Variants in SLCO2B1 observed in about 807,000 individuals in gnomAD.
SLCO2B1 encodes the protein OATP-RP2.
Under a neutral mutation model 67.3 loss-of-function variants are expected in SLCO2B1, and 41 were observed. The ratio of observed to expected loss-of-function variants is 0.61; its 90% confidence interval spans 0.47 to 0.79. The LOEUF is 0.79. Ranked by LOEUF, SLCO2B1 falls within the 30% of genes least tolerant of loss-of-function variation. The pLI is 0.00. For synonymous variants in SLCO2B1, 379 were observed against 381.4 expected, an observed-to-expected ratio of 0.99 and a Z score of 0.07; for missense variants, 837 against 920.1, an observed-to-expected ratio of 0.91 and a Z score of 1.17.
intron 11 of SLCO2B1, chr11:75,202,119 T>A (rs566312858): frequency 6.6e-6 from 1 of 152,344 alleles, no homozygotes; most frequent in Non-Finnish European, 1.5e-5. Context: ...CAGAGCAAGA[T>A]AATTTCCATT....
At chr11:75,178,681 G>T (rs777287004) in intron 7 of SLCO2B1, among the ~76,000 whole-genome samples, 1 of 152,150 alleles carries the variant, frequency 6.6e-6, no homozygotes, top group East Asian at 1.9e-4. Context: ...CAATTTGCAA[G>T]TGTGCAATAT....
chr11:75,169,263 A>T lies in SLCO2B1; in HGVS notation c.539A>T (p.Tyr180Phe). ...SAPSNGNCSS[Y>F]TETQHLSVVG... ...CCCTCCAATGGCAACTGCTCAAGCT[A>T]CACAGAAACCCAGCATCTGAGTGTG... The change falls in exon 5 of 14, where the codon TAC (tyrosine) becomes TTC (phenylalanine). Residue 180 changes from tyrosine to phenylalanine, a missense_variant. Transcript: ENST00000289575. The T allele has an allele frequency of 6.2e-7, 1 of 1,614,174 alleles. No individual in the cohort carries two copies. Among genetic ancestry groups the T allele is most frequent in the Non-Finnish European group, 8.5e-7 (1 of 1,180,022 alleles).
intron 10 of SLCO2B1, chr11:75,200,003 A>C: frequency 3.9e-6 from 2 of 513,104 alleles, no homozygotes; most frequent in Non-Finnish European, 6.9e-6. Flanking sequence ...CCTGCCCACC[A>C]CCTCAGCCCA....
At chr11:75,175,415 G>T (rs1230273360) in intron 7 of SLCO2B1, among the ~76,000 whole-genome samples, 5 of 152,176 alleles carry the variant, frequency 3.3e-5, no homozygotes, top group African/African-American at 1.2e-4. Flanking sequence ...ATCTTCTGCA[G>T]GGCGAGAGAA....
Position 75,172,574 on chromosome 11 carries a change from G to A in SLCO2B1, c.972+5G>A. The A allele has an allele frequency of 6.2e-7, 1 of 1,612,480 alleles. No homozygotes were observed. The highest frequency in any genetic ancestry group is 2.2e-5 in the East Asian group (1 of 44,874). On this transcript the variant is annotated splice_donor_5th_base_variant and intron_variant, in intron 7 of 13. Coordinates refer to ENST00000289575, the MANE Select transcript of SLCO2B1 (RefSeq NM_007256.5). ...ACAGACTCACCTGCCAGGAAGGTAA[G>A]CTCCCTCCATGTCACCTGACTGGGT...
intron 7 of SLCO2B1, among the ~76,000 whole-genome samples, chr11:75,178,093 CA>C (rs71804511): frequency 1.4e-3 from 115 of 84,362 alleles, no homozygotes; most frequent in East Asian, 1.8e-3. Flanking sequence ...GATTCCATCT[CA>C]AAAAAAAAAA....
chr11:75,180,248 C>A (rs1950078074), intron 7 of SLCO2B1, among the ~76,000 whole-genome samples: 1 of 152,178 alleles, frequency 6.6e-6, no homozygotes, highest in East Asian at 1.9e-4. Flanking sequence ...AACTCCTGAC[C>A]TTAGATGATC....
chr11:75,199,080 T>C (rs1205490063), intron 10 of SLCO2B1, among the ~76,000 whole-genome samples: 6 of 152,192 alleles, frequency 3.9e-5, no homozygotes, highest in Non-Finnish European at 7.3e-5. Flanking sequence ...CCCAGGAACC[T>C]TGCTTAGCAT....
chr11:75,189,254 G>A lies in SLCO2B1; in HGVS notation c.1075+1016G>A, dbSNP rs183865555. 2.0e-4 allele frequency among the ~76,000 whole-genome samples: 28 copies of A among 137,168 alleles called. No homozygotes were observed. The East Asian group carries it at 4.1e-3, about 20-fold the overall frequency. The allele number at this position is 137,168 out of a possible 152,430, so 90.0% of individuals were successfully genotyped here. ...GTGTGCCCAGCTCTTACAGAGCACTGGATGGCAGGTCAGAAGACTTGGATT... is the reference window on the plus strand; with the variant it reads ...GTGTGCCCAGCTCTTACAGAGCACTAGATGGCAGGTCAGAAGACTTGGATT... On this transcript the variant is annotated intron_variant, in intron 8 of 13. Transcript: ENST00000289575.
chr11:75,188,079 C>A (rs1011650521), intron 7 of SLCO2B1, 57 bp from the exon 8 acceptor site: 1 of 1,282,448 alleles, frequency 7.8e-7, no homozygotes, highest in Non-Finnish European at 1.1e-6. Context: ...CCACAGCCAA[C>A]TCTGAGTGGG....
In SLCO2B1 at chr11:75,165,929, G is replaced by A. The variant is rs78648789; in HGVS notation, c.428G>A (p.Arg143His). Residue 143 changes from arginine to histidine, a missense_variant, in exon 4 of 14, where the codon CGC (arginine) becomes CAC (histidine). Coordinates refer to ENST00000289575, the MANE Select transcript of SLCO2B1 (RefSeq NM_007256.5). ...TLPHFISEPYRYDNTSPEDMP... is the reference protein window; with the variant it reads ...TLPHFISEPYHYDNTSPEDMP... ...CCGCACTTCATCTCGGAGCCATACC[G>A]CTACGACAACACCAGCCCTGGTAAG... 159 of 1,614,008 alleles carry A rather than the reference G, an allele frequency of 9.9e-5. No homozygotes were observed. Among genetic ancestry groups the A allele is most frequent in the East Asian group, 8.0e-4 (36 of 44,876 alleles).
chr11:75,170,723 C>G (rs553755422), intron 6 of SLCO2B1, among the ~76,000 whole-genome samples: 2 of 152,196 alleles, frequency 1.3e-5, no homozygotes, highest in Admixed American at 1.3e-4. Context: ...AGCCCCGCCC[C>G]GCCCACTCTC....
At chr11:75,159,092 T>C (rs189856877) in intron 1 of SLCO2B1, among the ~76,000 whole-genome samples, 2 of 152,228 alleles carry the variant, frequency 1.3e-5, no homozygotes, top group African/African-American at 2.4e-5. Context: ...GACTGTCTTA[T>C]GAGGAGCTGC....
chr11:75,156,129 G>A (rs1949743724), intron 1 of SLCO2B1, among the ~76,000 whole-genome samples: 1 of 152,150 alleles, frequency 6.6e-6, no homozygotes, highest in African/African-American at 2.4e-5. Flanking sequence ...AAGAAAACAG[G>A]CTTAGAGAGG....
chr11:75,191,676 C>T (rs1418247069), intron 8 of SLCO2B1, among the ~76,000 whole-genome samples: 5 of 152,200 alleles, frequency 3.3e-5, no homozygotes, highest in African/African-American at 1.2e-4. Flanking sequence ...GGAGCCCCCA[C>T]CTGGCCCAGA....
At chr11:75,177,167 C>T (rs1950035906) in intron 7 of SLCO2B1, among the ~76,000 whole-genome samples, 1 of 151,072 alleles carries the variant, frequency 6.6e-6, no homozygotes, top group African/African-American at 2.4e-5. Flanking sequence ...AAGGGCCTTC[C>T]ACCCCTCTAC....
chr11:75,156,661 TA>T (rs1326514333), intron 1 of SLCO2B1, among the ~76,000 whole-genome samples: 2 of 152,100 alleles, frequency 1.3e-5, no homozygotes, highest in Non-Finnish European at 2.9e-5. Flanking sequence ...TGTGAGTCTG[TA>T]AAGTGAAAGC....
chr11:75,159,849 T>C, intron 1 of SLCO2B1: 1 of 985,576 alleles, frequency 1.0e-6, no homozygotes, highest in Non-Finnish European at 1.2e-6. Flanking sequence ...AAGGCTGGGA[T>C]TGAAGCTTCA....
At chr11:75,200,002 C>T in intron 10 of SLCO2B1, 2 of 516,842 alleles carry the variant, frequency 3.9e-6, no homozygotes, top group Non-Finnish European at 6.8e-6. Flanking sequence ...CCCTGCCCAC[C>T]ACCTCAGCCC....
Sources: allele counts gnomAD v4.1 joint callset (sites outside exome capture counted in the v4.1 genomes callset), GRCh38; gene constraint gnomAD v4.1.1; transcripts MANE v1.5; gene names NCBI Gene and HGNC (gene_info 2026-07-23, HGNC 2026-07-21).